P2RY12: variants seen among roughly 807,000 people sequenced by gnomAD.
P2RY12 encodes purinergic receptor P2Y12.
In P2RY12, 3 loss-of-function variants were observed where a neutral mutation model predicts 4.5. The ratio of observed to expected loss-of-function variants is 0.67; its 90% CI spans 0.31 to 1.74. The LOEUF (loss-of-function observed/expected upper bound fraction) is 1.74. Ranked by LOEUF, P2RY12 falls within the 40% of genes most tolerant of loss-of-function variation. The pLI, the probability that P2RY12 is intolerant of heterozygous loss-of-function variation, is 0.09. For missense variants in P2RY12, 356 were observed against 407.8 expected (o/e 0.87, Z 1.09); for synonymous variants, 148 against 154.1 (o/e 0.96, Z 0.29).
At chr3:151,361,027 A>G (rs115926923) in intron 1 of P2RY12, among the ~76,000 whole-genome samples, 2,125 of 152,242 alleles carry the variant, frequency 0.014, 42 homozygotes, top group African/African-American at 0.048. Context: ...AGAAAGATCA[A>G]TGAGGCAGCT....
chr3:151,380,999 TA>T (rs2108121464), intron 1 of P2RY12, among the ~76,000 whole-genome samples: 1 of 152,314 alleles, frequency 6.6e-6, no homozygotes, highest in South Asian at 2.1e-4. Context: ...TTGGTTTATT[TA>T]GAAATAATTT....
chr3:151,343,638 G>GT (rs1236553692), intron 1 of P2RY12, among the ~76,000 whole-genome samples: 1 of 152,166 alleles, frequency 6.6e-6, no homozygotes, highest in African/African-American at 2.4e-5. Context: ...AACACATACA[G>GT]TTTGTAGTTA....
Position 151,344,618 on chromosome 3 carries a change from G to C in P2RY12, c.-179-3858C>G, listed in dbSNP as rs371989038. Among the ~76,000 whole-genome samples, 12 of 152,292 alleles carry C rather than the reference G, an allele frequency of 7.9e-5. No individual in the cohort carries two copies. In the East Asian group the frequency reaches 2.3e-3, roughly 29 times the overall value. ...GCAGTTTACTTCCGGATATATACTGGATTTGCATTTGAAGTAGAGCATGCA... is the reference window on the plus strand; with the variant it reads ...GCAGTTTACTTCCGGATATATACTGCATTTGCATTTGAAGTAGAGCATGCA... On this transcript the variant is annotated intron_variant, in intron 1 of 2. Transcript: ENST00000302632.
At chr3:151,350,020 T>C (rs747730874) in intron 1 of P2RY12, 56 of 1,595,688 alleles carry the variant, frequency 3.5e-5, no homozygotes, top group Non-Finnish European at 4.4e-5. Flanking sequence ...ACCCCACCCC[T>C]GCAGACAAGA....
At chr3:151,365,043 C>A (rs1272399785) in intron 1 of P2RY12, 7 of 1,614,050 alleles carry the variant, frequency 4.3e-6, no homozygotes, top group Non-Finnish European at 5.1e-6. Context: ...TTCGAACTTG[C>A]GATGGGATCC....
intron 1 of P2RY12, among the ~76,000 whole-genome samples, chr3:151,369,020 C>A (rs1755845761): frequency 6.6e-6 from 1 of 152,240 alleles, no homozygotes; most frequent in Non-Finnish European, 1.5e-5. Flanking sequence ...CTCGGCCTCC[C>A]AAAGTGCTGG....
chr3:151,371,221 A>G (rs945231060), intron 1 of P2RY12, among the ~76,000 whole-genome samples: 1 of 152,134 alleles, frequency 6.6e-6, no homozygotes, highest in Non-Finnish European at 1.5e-5. Context: ...CCAACTCTCA[A>G]TTCCTATCCA....
At chr3:151,341,215 T>C (rs945529833) in intron 1 of P2RY12, among the ~76,000 whole-genome samples, 17 of 152,156 alleles carry the variant, frequency 1.1e-4, no homozygotes, top group Admixed American at 4.6e-4. Context: ...CCTTTGTTTT[T>C]CCCTTGGTTA....
At chr3:151,357,322 G>A (rs778877179) in intron 1 of P2RY12, 17 of 1,613,740 alleles carry the variant, frequency 1.1e-5, no homozygotes, top group South Asian at 4.4e-5. Context: ...GTTCTCAGGC[G>A]CTATCACAGT....
intron 1 of P2RY12, chr3:151,350,134 A>G: frequency 1.2e-6 from 2 of 1,613,794 alleles, no homozygotes; most frequent in Non-Finnish European, 1.7e-6. Flanking sequence ...TGATGAAGCA[A>G]GGCATCAGCT....
chr3:151,357,507 C>A, intron 1 of P2RY12: 1 of 769,190 alleles, frequency 1.3e-6, no homozygotes, highest in Non-Finnish European at 2.0e-6. Context: ...AAAGAACACT[C>A]TTGCCAGAAA....
chr3:151,370,751 C>T (rs976055087), intron 1 of P2RY12, among the ~76,000 whole-genome samples: 2 of 152,174 alleles, frequency 1.3e-5, no homozygotes, highest in African/African-American at 4.8e-5. Flanking sequence ...TAGTGCTCAT[C>T]AGAGAAGCTA....
chr3:151,340,980 G>C (rs1751746339), intron 1 of P2RY12: 1 of 152,090 alleles, frequency 6.6e-6, no homozygotes, highest in Admixed American at 6.6e-5. Flanking sequence ...CTATAGAGTT[G>C]ATGATTTATA....
At chr3:151,348,482 TC>T (rs1752836553) in intron 1 of P2RY12, among the ~76,000 whole-genome samples, 1 of 152,050 alleles carries the variant, frequency 6.6e-6, no homozygotes, top group Non-Finnish European at 1.5e-5. Context: ...GTCATTTGTA[TC>T]CTATGATTAG....
intron 1 of P2RY12, among the ~76,000 whole-genome samples, chr3:151,367,943 A>T (rs928389847): frequency 2.0e-5 from 3 of 152,196 alleles, no homozygotes; most frequent in African/African-American, 7.2e-5. Flanking sequence ...AACATGTATC[A>T]CCGTGAAAAA....
At chr3:151,340,498 T>C (rs899610924) in intron 2 of P2RY12, 98 bp downstream of exon 2, 1 of 152,618 alleles carries the variant, frequency 6.6e-6, no homozygotes, top group Admixed American at 6.5e-5. Context: ...TTGATAGTTA[T>C]TAAGGTTTAC....
At chr3:151,378,179 G>A (rs746554448) in intron 1 of P2RY12, 2 of 1,596,096 alleles carry the variant, frequency 1.3e-6, no homozygotes, top group South Asian at 1.1e-5. Flanking sequence ...AAAAGGTGTG[G>A]CTGGAAGATG....
intron 1 of P2RY12, among the ~76,000 whole-genome samples, chr3:151,366,588 A>G (rs1755305955): frequency 6.6e-6 from 1 of 152,044 alleles, no homozygotes; most frequent in African/African-American, 2.4e-5. Context: ...ATCTGTCTTG[A>G]TTCTTTACTT....
chr3:151,339,098 TA>T (rs776935558), intron 2 of P2RY12, among the ~76,000 whole-genome samples: 18 of 152,344 alleles, frequency 1.2e-4, no homozygotes, highest in Non-Finnish European at 2.2e-4. Flanking sequence ...AGATGCTTAG[TA>T]TTTTTTTATT....
Sources: gnomAD v4.1 joint callset for allele counts (sites outside exome capture counted in the v4.1 genomes callset) on GRCh38, gnomAD v4.1.1 for gene constraint, MANE v1.5 for transcripts, NCBI Gene and HGNC (gene_info 2026-07-23, HGNC 2026-07-21) for gene names.